Variants in TADA2A observed in about 807,000 individuals in gnomAD.
The protein encoded by TADA2A is transcriptional adaptor 2A, also known as transcriptional adapter 2-alpha.
TADA2A carries 38 observed loss-of-function variants against 67.4 expected under a neutral mutation model. The observed-to-expected ratio is 0.56, with a 90% CI of 0.44 to 0.74. The LOEUF (loss-of-function observed/expected upper bound fraction) is 0.74, where lower values mean the gene tolerates loss of function less well. TADA2A is among the 30% of genes least tolerant of loss of function. The pLI is 0.00. For synonymous variants in TADA2A, 192 were observed against 181.6 expected (o/e 1.06, Z -0.46); for missense variants, 454 against 547.0 (o/e 0.83, Z 1.70).
intron 2 of TADA2A, among the ~76,000 whole-genome samples, chr17:37,419,760 C>T (rs1340110313): frequency 8.1e-6 from 1 of 123,122 alleles, no homozygotes; most frequent in Non-Finnish European, 1.7e-5. Flanking sequence ...CCTGGGTAAC[C>T]AGAGTGAGAC....
chr17:37,457,285 A>G (rs566814768), intron 8 of TADA2A, among the ~76,000 whole-genome samples: 21 of 149,410 alleles, frequency 1.4e-4, no homozygotes, highest in African/African-American at 5.2e-4. Flanking sequence ...GGTTCAAGCA[A>G]CTGTCCTGCC....
rs551322645 is a variant in TADA2A at position 37,418,513 on chromosome 17, G to C, written c.26-4996G>C. 1.1e-4 allele frequency among the ~76,000 whole-genome samples: 17 copies of C among 152,044 alleles called. 1 individual carries two copies. The South Asian group carries it at 3.5e-3, about 32-fold the overall frequency. ...TTTATCCATTAGAAAGAACAAGGAA[G>C]GTCAATGTGTATTGTCATGAAAACA... On this transcript the variant is annotated intron_variant, in intron 2 of 15. Coordinates refer to ENST00000615182, the MANE Select transcript of TADA2A (RefSeq NM_001166105.3).
intron 2 of TADA2A, 23 bp from the exon 3 acceptor site, chr17:37,423,486 C>T (rs767772433): frequency 3.8e-6 from 6 of 1,562,238 alleles, no homozygotes; most frequent in Non-Finnish European, 5.2e-6. Context: ...CTGAAATGTG[C>T]ATTTGTTTTC....
chr17:37,406,916 G>T lies in TADA2A; in HGVS notation c.-131G>T. The T allele has an allele frequency of 6.9e-6, 1 of 144,734 alleles. No individual in the cohort carries two copies. The highest frequency in any genetic ancestry group is 1.5e-5 in the Non-Finnish European group (1 of 65,188). 9.0% of individuals were successfully genotyped at this position (144,734 alleles called of 1,614,324 possible). On this transcript the variant is annotated 5_prime_UTR_variant, in exon 1 of 16. Coordinates refer to ENST00000615182, the MANE Select transcript of TADA2A (RefSeq NM_001166105.3). ...AAGCCCGGAGGCGCGCGCGACCGGC[G>T]GCTCTTTGGCGCGGATTAGGGGGTC...
chr17:37,430,095 A>C (rs1299026184), intron 4 of TADA2A, among the ~76,000 whole-genome samples: 6 of 152,202 alleles, frequency 3.9e-5, no homozygotes, highest in Non-Finnish European at 7.3e-5. Flanking sequence ...AGTCATGCTT[A>C]TTCACTGTAG....
intron 11 of TADA2A, among the ~76,000 whole-genome samples, chr17:37,466,258 A>G (rs545631204): frequency 7.2e-5 from 11 of 152,278 alleles, no homozygotes; most frequent in African/African-American, 2.4e-4. Context: ...CCATCTCTAC[A>G]AAAATACAAA....
intron 10 of TADA2A, among the ~76,000 whole-genome samples, chr17:37,463,650 ATTAT>A (rs1217706015): frequency 6.6e-6 from 1 of 151,418 alleles, no homozygotes; most frequent in Admixed American, 6.6e-5. Context: ...TAGGTCCTTT[ATTAT>A]TTATTTATTT....
intron 1 of TADA2A, 192 bp downstream of exon 1, chr17:37,407,141 G>C (rs1021666839): frequency 2.0e-5 from 3 of 148,948 alleles, no homozygotes; most frequent in African/African-American, 7.3e-5. Context: ...TCGCCGCTCT[G>C]TGGGGGAGGG....
chr17:37,411,256 T>C lies in TADA2A; in HGVS notation c.-97-13T>C, dbSNP rs914311307. ...GATTTTCTGATCCATGTGCCACTTTTGTTTGTTCCTAGGGAGTCATCAAGC... is the reference window on the plus strand; with the variant it reads ...GATTTTCTGATCCATGTGCCACTTTCGTTTGTTCCTAGGGAGTCATCAAGC... On this transcript the variant is annotated splice_polypyrimidine_tract_variant and intron_variant, in intron 1 of 15. Transcript: ENST00000615182. 1.0e-6 allele frequency: 1 copy of C among 967,552 alleles called. No individual in the cohort carries two copies. Among genetic ancestry groups the C allele is most frequent in the Non-Finnish European group, 1.7e-6 (1 of 605,656 alleles). The allele number at this position is 967,552 out of a possible 1,614,324, so 59.9% of individuals were successfully genotyped here.
intron 1 of TADA2A, among the ~76,000 whole-genome samples, chr17:37,408,834 C>A (rs2051762720): frequency 6.6e-6 from 1 of 152,158 alleles, no homozygotes; most frequent in African/African-American, 2.4e-5. Context: ...GGGAGACCTA[C>A]CCCACCCCAA....
chr17:37,439,942 A>AT (rs754953268), intron 5 of TADA2A, among the ~76,000 whole-genome samples: 39 of 58,460 alleles, frequency 6.7e-4, no homozygotes, highest in East Asian at 3.5e-3. Flanking sequence ...TTATTTATTT[A>AT]TTATTTTTTT....
At chr17:37,457,206 A>T (rs1214492552) in intron 8 of TADA2A, among the ~76,000 whole-genome samples, 7 of 109,224 alleles carry the variant, frequency 6.4e-5, no homozygotes, top group African/African-American at 3.6e-5. Context: ...TTTGAGACGG[A>T]GTCTTGCAGC....
At chr17:37,474,003 A>G (rs539407093) in intron 14 of TADA2A, among the ~76,000 whole-genome samples, 14 of 152,362 alleles carry the variant, frequency 9.2e-5, no homozygotes, top group African/African-American at 3.4e-4. Context: ...TCAGCTGTCA[A>G]AGCAGGCATT....
intron 2 of TADA2A, among the ~76,000 whole-genome samples, chr17:37,416,169 A>G (rs2147907533): frequency 6.9e-6 from 1 of 144,838 alleles, no homozygotes; most frequent in East Asian, 2.1e-4. Flanking sequence ...CCCAGGCTGG[A>G]GTGCAATGGT....
chr17:37,454,852 C>T (rs561885926), intron 8 of TADA2A: 21 of 225,566 alleles, frequency 9.3e-5, no homozygotes, highest in Non-Finnish European at 1.7e-4. Flanking sequence ...CTGAAAAGAC[C>T]GCAATGGCTG....
intron 4 of TADA2A, among the ~76,000 whole-genome samples, chr17:37,431,724 A>G: frequency 6.6e-6 from 1 of 151,696 alleles, no homozygotes; most frequent in East Asian, 1.9e-4. Context: ...ACAGGCACAC[A>G]CCACCGTGCC....
chr17:37,425,473 T>C (rs1224145965), intron 3 of TADA2A, among the ~76,000 whole-genome samples: 2 of 152,192 alleles, frequency 1.3e-5, no homozygotes, highest in Non-Finnish European at 2.9e-5. Context: ...TGAAGAAATT[T>C]AGGCTAAGAG....
chr17:37,438,230 A>G (rs577114076), intron 5 of TADA2A, among the ~76,000 whole-genome samples: 1 of 152,320 alleles, frequency 6.6e-6, no homozygotes, highest in South Asian at 2.1e-4. Flanking sequence ...CGTAAGATTC[A>G]AGTTTCACAG....
At chr17:37,415,785 A>G (rs974963352) in intron 2 of TADA2A, among the ~76,000 whole-genome samples, 3 of 151,610 alleles carry the variant, frequency 2.0e-5, no homozygotes, top group African/African-American at 7.3e-5. Context: ...GAGGCAGGAG[A>G]ATCGCTTGAA....
Sources: gnomAD v4.1 joint callset for allele counts (sites outside exome capture counted in the v4.1 genomes callset) on GRCh38, gnomAD v4.1.1 for gene constraint, MANE v1.5 for transcripts, NCBI Gene and HGNC (gene_info 2026-07-23, HGNC 2026-07-21) for gene names.